XPO6: variants seen among roughly 807,000 people sequenced by gnomAD.
The protein encoded by XPO6 is exportin 6, also known as exportin-6.
A neutral mutation model predicts 130.0 loss-of-function variants in XPO6; 3 were observed. The observed-to-expected ratio is 0.02, with a 90% CI of 0.01 to 0.06. XPO6 has a LOEUF of 0.06. XPO6 is among the 10% of genes least tolerant of loss of function. The pLI, the probability that XPO6 is intolerant of heterozygous loss-of-function variation, is 1.00. For missense variants in XPO6, 970 were observed against 1,393.0 expected, an observed-to-expected ratio of 0.70 and a Z score of 4.83; for synonymous variants, 524 against 548.9, an observed-to-expected ratio of 0.95 and a Z score of 0.63.
chr16:28,149,149 C>T (rs1241534523), intron 8 of XPO6, among the ~76,000 whole-genome samples: 3 of 150,790 alleles, frequency 2.0e-5, no homozygotes, highest in Non-Finnish European at 2.9e-5. Context: ...GGCACAGTTT[C>T]AGGAAGAAGG....
chr16:28,133,565 G>A (rs1302095462), intron 11 of XPO6, among the ~76,000 whole-genome samples: 4 of 152,122 alleles, frequency 2.6e-5, no homozygotes, highest in East Asian at 1.9e-4. Flanking sequence ...GCTCCCACTC[G>A]GCCTGGCCAC....
chr16:28,143,871 G>A (rs908196500), intron 9 of XPO6, among the ~76,000 whole-genome samples: 4 of 152,100 alleles, frequency 2.6e-5, no homozygotes, highest in African/African-American at 2.4e-5. Context: ...TCCTGACCTC[G>A]TGGTCCCCCT....
At chr16:28,208,141 G>A (rs1007558352) in intron 1 of XPO6, among the ~76,000 whole-genome samples, 7 of 152,080 alleles carry the variant, frequency 4.6e-5, no homozygotes, top group East Asian at 1.9e-4. Flanking sequence ...GCGAGACTCC[G>A]TCTCAAAAAA....
chr16:28,171,397 G>A (rs1452457382), intron 4 of XPO6, among the ~76,000 whole-genome samples: 1 of 147,066 alleles, frequency 6.8e-6, no homozygotes, highest in African/African-American at 2.5e-5. Flanking sequence ...AGGTTGCAGT[G>A]AGCCAAGATC....
Position 28,176,073 on chromosome 16 carries a change from A to C in XPO6, c.230T>G (p.Leu77Arg). The C allele has an allele frequency of 6.2e-7, 1 of 1,614,206 alleles. No individual in the cohort carries two copies. Residue 77 changes from leucine to arginine, a missense_variant, in exon 4 of 24, where the codon CTT becomes CGT. Transcript: ENST00000304658. The part of the protein sequence containing the change: ...VFENLINKMW[L>R]GVPSQDKMEI... ...CATCTTATCCTGAGATGGGACCCCA[A>C]GCCACATTTTATTGATCAGATTCTG...
rs544994092 is a variant in XPO6, at chr16:28,155,849, A to T, written c.1097+225T>A. 1.4e-4 allele frequency: 170 copies of T among 1,182,888 alleles called. No individual in the cohort carries two copies. In the East Asian group the frequency reaches 4.0e-3, roughly 28 times the overall value. The allele number at this position is 1,182,888 out of a possible 1,614,324, so 73.3% of individuals were successfully genotyped here. ...GAGATGGATGGGGAGAAAAGACAAC[A>T]AACCTACACAAGGCACAAGCATTTT... On this transcript the variant is annotated intron_variant, in intron 7 of 23. Transcript: ENST00000304658.
chr16:28,165,203 G>A (rs1394993800), intron 6 of XPO6: 1 of 152,162 alleles, frequency 6.6e-6, no homozygotes, highest in East Asian at 1.9e-4. Context: ...GGTGACAGAA[G>A]GAGACCTTGT....
intron 4 of XPO6, among the ~76,000 whole-genome samples, chr16:28,172,093 C>T (rs2043458591): frequency 6.6e-6 from 1 of 152,154 alleles, no homozygotes; most frequent in African/African-American, 2.4e-5. Flanking sequence ...TCTGCAAGCT[C>T]TCCTTCCTCT....
rs147153241 is a variant in XPO6 at position 28,137,182 on chromosome 16, T to A, written c.1335-1858A>T. ...AAGGAATGGTCCCAGTTCGAAAAGATCCCTCCTCTGAACTCCTGTGGCAGC... is the reference window on the plus strand; with the variant it reads ...AAGGAATGGTCCCAGTTCGAAAAGAACCCTCCTCTGAACTCCTGTGGCAGC... On this transcript the variant is annotated intron_variant, in intron 9 of 23. Transcript: ENST00000304658. Among the ~76,000 whole-genome samples the A allele has an allele frequency of 1.7e-3, 259 of 152,280 alleles. 2 individuals are homozygous for A. The highest frequency in any genetic ancestry group is 5.5e-3 in the African/African-American group (229 of 41,556).
rs11291125 is a variant in XPO6 at position 28,132,654 on chromosome 16, TAA to T, written c.1537-253_1537-252del. 4.3e-5 allele frequency among the ~76,000 whole-genome samples: 6 copies of T among 138,280 alleles called. No individual in the cohort carries two copies. Among genetic ancestry groups the T allele is most frequent in the Admixed American group, 7.1e-5 (1 of 14,080 alleles). 90.7% of individuals were successfully genotyped at this position (138,280 alleles called of 152,430 possible). A position where few individuals can be genotyped will look rare whatever the true frequency, so the allele number is the denominator to read the frequency against. ...AAACGTATTAGTTCAACCCTTTTTT[TAA>T]AAAAAAAAAAAAAGCAAAGGACACT... On this transcript the variant is annotated intron_variant, in intron 11 of 23. Transcript: ENST00000304658. The surrounding 1 kb of genome is among the most constrained non-coding windows in gnomAD (Gnocchi z 4.0).
chr16:28,171,692 C>G (rs1258309907), intron 4 of XPO6, among the ~76,000 whole-genome samples: 1 of 152,124 alleles, frequency 6.6e-6, no homozygotes, highest in Non-Finnish European at 1.5e-5. Flanking sequence ...AACACTAAAA[C>G]TTTGTATATT....
At position 28,152,513 on chromosome 16, in the gene XPO6, T is replaced by C. The variant is rs553851717; in HGVS notation, c.1224+146A>G. On this transcript the variant is annotated intron_variant, in intron 8 of 23. Coordinates refer to ENST00000304658, the MANE Select transcript of XPO6 (RefSeq NM_015171.4). ...AATAGAACCTACTTCACAGGGATGTTAGGAAGATTAAACCTGTGACTCTTC... is the reference window on the plus strand; with the variant it reads ...AATAGAACCTACTTCACAGGGATGTCAGGAAGATTAAACCTGTGACTCTTC... The C allele has an allele frequency of 4.7e-5, 47 of 1,007,866 alleles. No homozygotes were observed. In the African/African-American group the frequency reaches 6.2e-4, roughly 13 times the overall value. 62.4% of individuals were successfully genotyped at this position (1,007,866 alleles called of 1,614,324 possible). A position where few individuals can be genotyped will look rare whatever the true frequency, so the allele number is the denominator to read the frequency against.
Position 28,193,262 on chromosome 16 carries a change from G to T in XPO6, c.4-12231C>A, listed in dbSNP as rs142004253. 4.5e-3 allele frequency among the ~76,000 whole-genome samples: 684 copies of T among 152,152 alleles called. 5 individuals are homozygous for T. Among genetic ancestry groups the T allele is most frequent in the African/African-American group, 0.016 (664 of 41,490 alleles). On this transcript the variant is annotated intron_variant, in intron 1 of 23. Transcript: ENST00000304658. ...CCCTGCAAATATAGATAATGTTGCCGGGGTGGCAGCTGCTGGGGGATCTCT... is the reference window on the plus strand; with the variant it reads ...CCCTGCAAATATAGATAATGTTGCCTGGGTGGCAGCTGCTGGGGGATCTCT...
At chr16:28,177,927 C>T (rs2043557797) in intron 2 of XPO6, among the ~76,000 whole-genome samples, 1 of 152,168 alleles carries the variant, frequency 6.6e-6, no homozygotes, top group South Asian at 2.1e-4. Context: ...GCAAGAGCAA[C>T]GATGACGAGT....
intron 1 of XPO6, among the ~76,000 whole-genome samples, chr16:28,198,343 A>G (rs2043901397): frequency 6.6e-6 from 1 of 151,560 alleles, no homozygotes; most frequent in Admixed American, 6.6e-5. Flanking sequence ...TTTTTTTTTA[A>G]TTATCAAATA....
chr16:28,101,921 G>A lies in XPO6; in HGVS notation c.2971C>T (p.Pro991Ser). 4 of 1,614,056 alleles carry A rather than the reference G, an allele frequency of 2.5e-6. No homozygotes were observed. Among genetic ancestry groups the A allele is most frequent in the Non-Finnish European group, 3.4e-6 (4 of 1,180,004 alleles). ...TTTTGTTTAAAAAGGTGGATGTCGG[G>A]CTGGAGAAAGGACTGTCCGAAAGCC... The part of the protein sequence containing the change: ...MQAFGQSFLQ[P>S]DIHLFKQNLF... Residue 991 changes from proline (P) to serine (S), a missense_variant, in exon 22 of 24, where the codon CCC becomes TCC. Around this residue, in one of 4 missense-constraint regions of XPO6, gnomAD observed 936 missense variants for 1,306.8 expected, o/e 0.72. Coordinates refer to ENST00000304658, the MANE Select transcript of XPO6 (RefSeq NM_015171.4). The surrounding 1 kb of genome is among the most constrained non-coding windows in gnomAD (Gnocchi z 5.4).
intron 14 of XPO6, 148 bp from the exon 15 acceptor site, chr16:28,117,610 C>G (rs941285606): frequency 2.0e-6 from 2 of 991,116 alleles, no homozygotes; most frequent in South Asian, 1.8e-5. Flanking sequence ...TACCGGTTCA[C>G]GTAGAACCTA....
At chr16:28,113,558 T>C (rs976758994) in intron 15 of XPO6, among the ~76,000 whole-genome samples, 4 of 152,192 alleles carry the variant, frequency 2.6e-5, no homozygotes, top group South Asian at 2.1e-4. Context: ...AAAAACGTGT[T>C]ACAGATGGGA....
chr16:28,126,372 C>A (rs1247038604), intron 12 of XPO6, among the ~76,000 whole-genome samples: 1 of 152,132 alleles, frequency 6.6e-6, no homozygotes, highest in Non-Finnish European at 1.5e-5. Flanking sequence ...ACTCAGCACT[C>A]CACCCCTGAA....
Sources: gnomAD v4.1 joint callset for allele counts (sites outside exome capture counted in the v4.1 genomes callset) on GRCh38, gnomAD v4.1.1 for gene constraint, gnomAD v4.1.1 regional missense constraint, Gnocchi (gnomAD v3.1) non-coding constraint, MANE v1.5 for transcripts, NCBI Gene and HGNC (gene_info 2026-07-23, HGNC 2026-07-21) for gene names.